STRN3: variants seen among roughly 807,000 people sequenced by gnomAD.
The protein encoded by STRN3 is striatin 3.
Under a neutral mutation model 95.6 loss-of-function variants are expected in STRN3, and 29 were observed. That is an observed-to-expected ratio of 0.30 (90% CI 0.23 to 0.41). The LOEUF (loss-of-function observed/expected upper bound fraction) is 0.41. Among genes scored for constraint, STRN3 ranks in the 10% least tolerant of loss-of-function variants. The pLI, the probability that STRN3 is intolerant of heterozygous loss-of-function variation, is 1.00. For synonymous variants in STRN3, 331 were observed against 357.6 expected (o/e 0.93, Z 0.84); for missense variants, 890 against 972.1 (o/e 0.92, Z 1.12).
intron 7 of STRN3, among the ~76,000 whole-genome samples, chr14:30,934,141 A>C (rs1012278285): frequency 1.3e-5 from 2 of 152,132 alleles, no homozygotes; most frequent in Admixed American, 6.5e-5. Context: ...CTGGCCAACA[A>C]GGTAAAACCC....
intron 1 of STRN3, among the ~76,000 whole-genome samples, chr14:31,003,476 A>G (rs1882567186): frequency 6.6e-6 from 1 of 152,082 alleles, no homozygotes; most frequent in Admixed American, 6.6e-5. Flanking sequence ...TATTTGGGTC[A>G]TGGAGGGTGG....
chr14:30,976,024 G>A (rs756461246), intron 1 of STRN3, among the ~76,000 whole-genome samples: 12 of 151,998 alleles, frequency 7.9e-5, no homozygotes, highest in Non-Finnish European at 7.4e-5. Context: ...AAGAACAAGT[G>A]CAAAAACAGA....
intron 3 of STRN3, 32 bp from the exon 4 acceptor site, chr14:30,950,976 CT>C: frequency 6.3e-7 from 1 of 1,575,860 alleles, no homozygotes; most frequent in Non-Finnish European, 8.6e-7. Flanking sequence ...GTTTTACATA[CT>C]TTATTTCGAC....
chr14:30,943,470 T>C (rs1879190709), intron 5 of STRN3, among the ~76,000 whole-genome samples: 1 of 152,046 alleles, frequency 6.6e-6, no homozygotes, highest in Admixed American at 6.6e-5. Context: ...TGTGGTGGCA[T>C]GTGGCTGTAG....
At chr14:30,929,583 A>G (rs1269561555) in intron 7 of STRN3, among the ~76,000 whole-genome samples, 1 of 152,130 alleles carries the variant, frequency 6.6e-6, no homozygotes, top group Non-Finnish European at 1.5e-5. Flanking sequence ...CAATAGACTG[A>G]CATTAGAAAT....
At chr14:30,993,800 C>G (rs1882076506) in intron 1 of STRN3, among the ~76,000 whole-genome samples, 1 of 151,974 alleles carries the variant, frequency 6.6e-6, no homozygotes, top group Non-Finnish European at 1.5e-5. Flanking sequence ...CTGCCTTAGC[C>G]TCCTGAGTAG....
At chr14:30,956,593 T>A (rs761802415) in intron 1 of STRN3, among the ~76,000 whole-genome samples, 2 of 152,114 alleles carry the variant, frequency 1.3e-5, no homozygotes, top group African/African-American at 2.4e-5. Flanking sequence ...AAAAAACTCA[T>A]AAAATGTCCA....
chr14:30,974,671 G>C (rs1881000646), intron 1 of STRN3, among the ~76,000 whole-genome samples: 1 of 151,702 alleles, frequency 6.6e-6, no homozygotes, highest in Non-Finnish European at 1.5e-5. Flanking sequence ...AGGTGCTATG[G>C]CACACGCCTG....
chr14:30,951,359 G>C (rs1401326042), intron 3 of STRN3, among the ~76,000 whole-genome samples: 1 of 151,728 alleles, frequency 6.6e-6, no homozygotes, highest in Admixed American at 6.6e-5. Context: ...TCAGCCTCTC[G>C]AGTAGCTGGG....
At chr14:30,993,627 C>CT (rs1228614345) in intron 1 of STRN3, among the ~76,000 whole-genome samples, 1 of 152,106 alleles carries the variant, frequency 6.6e-6, no homozygotes, top group Non-Finnish European at 1.5e-5. Context: ...TTACATACTC[C>CT]TTTGCTGCCT....
chr14:30,996,117 A>C lies in STRN3; in HGVS notation c.282+29787T>G, dbSNP rs536822193. Among the ~76,000 whole-genome samples, 5 of 152,328 alleles carry C rather than the reference A, an allele frequency of 3.3e-5. No homozygotes were observed. The South Asian group carries it at 1.0e-3, about 32-fold the overall frequency. ...CTTTCACAGACACTGATTCTGAAAT[A>C]TCTCCCATAACAAACTTCACGCATG... On this transcript the variant is annotated intron_variant, in intron 1 of 17. Transcript: ENST00000357479.
intron 1 of STRN3, among the ~76,000 whole-genome samples, chr14:31,019,130 G>C (rs976491674): frequency 6.6e-6 from 1 of 151,956 alleles, no homozygotes; most frequent in Non-Finnish European, 1.5e-5. Context: ...AGACAACATA[G>C]AAAGACCCTG....
chr14:30,929,234 TG>T lies in STRN3; in HGVS notation c.1065del (p.Tyr355Ter). ...QGLISKLKEQ[Y>X]KKERKGKKGV... ...CCTTTCTTCCCCTTTCGTTCCTTCT[TG>T]TACTGTTCCTTCAGTTTACTTATTA... On this transcript the variant is annotated frameshift_variant, in exon 8 of 18. Coordinates refer to ENST00000357479, the MANE Select transcript of STRN3 (RefSeq NM_001083893.2). LOFTEE classifies it high-confidence loss of function. 2 of 1,613,256 alleles carry T rather than the reference TG, an allele frequency of 1.2e-6. No individual in the cohort carries two copies. The highest frequency in any genetic ancestry group is 1.7e-6 in the Non-Finnish European group (2 of 1,179,602).
At position 30,947,137 on chromosome 14, in the gene STRN3, G is replaced by A. The variant is rs1446605084; in HGVS notation, c.669C>T (p.Ile223=). The change falls in exon 5 of 18, where the codon ATC becomes ATT. Residue 223 remains isoleucine (I), a synonymous_variant. Transcript: ENST00000357479. ...GSVETKNLEQ[I]LNGGESPKQK... The stretch of plus-strand genomic sequence containing the variant: ...GCTTAGGAGATTCACCTCCATTCAG[G>A]ATCTGTTCTAAATTCTTTGTTTCTA... 6.2e-7 allele frequency: 1 copy of A among 1,609,272 alleles called. No individual in the cohort carries two copies. The highest frequency in any genetic ancestry group is 8.5e-7 in the Non-Finnish European group (1 of 1,178,662).
chr14:30,935,304 T>C lies in STRN3; in HGVS notation c.847A>G (p.Ile283Val). 1.9e-6 allele frequency: 3 copies of C among 1,613,396 alleles called. No homozygotes were observed. Among genetic ancestry groups the C allele is most frequent in the Non-Finnish European group, 2.5e-6 (3 of 1,179,684 alleles). Residue 283 changes from isoleucine (I) to valine (V), a missense_variant and splice_region_variant, in exon 7 of 18, where the codon ATA (isoleucine) becomes GTA (valine). Physicochemically the swap from Ile to Val is conservative, Grantham distance 29. Around this residue, in one of 3 missense-constraint regions of STRN3, gnomAD observed 526 missense variants for 526.3 expected, o/e 1.00. Coordinates refer to ENST00000357479, the MANE Select transcript of STRN3 (RefSeq NM_001083893.2). ...TCAGCAGCTAAACCTTCATTACCTA[T>C]CTGTAAATAGAATATAAACCAAGAA... Reference protein sequence around the residue: ...KDKHRMNKHKIGNEGLAADLT... With the variant: ...KDKHRMNKHKVGNEGLAADLT...
intron 1 of STRN3, among the ~76,000 whole-genome samples, chr14:30,970,202 CTCTCTATT>C (rs1454428786): frequency 6.6e-6 from 1 of 152,152 alleles, no homozygotes; most frequent in Non-Finnish European, 1.5e-5. Flanking sequence ...TCAAAGACAG[CTCTCTATT>C]TCAGAAAAGT....
intron 5 of STRN3, among the ~76,000 whole-genome samples, chr14:30,938,722 T>C (rs1878948149): frequency 6.6e-6 from 1 of 152,080 alleles, no homozygotes; most frequent in Admixed American, 6.6e-5. Flanking sequence ...GCAAGTTATA[T>C]TTCATGAAAA....
chr14:31,017,126 C>T (rs559224200), intron 1 of STRN3, among the ~76,000 whole-genome samples: 1 of 152,124 alleles, frequency 6.6e-6, no homozygotes, highest in South Asian at 2.1e-4. Flanking sequence ...TGCACTCCAG[C>T]CTGGGTGACA....
intron 1 of STRN3, among the ~76,000 whole-genome samples, chr14:30,977,078 T>C (rs1056444205): frequency 1.3e-5 from 2 of 151,764 alleles, no homozygotes; most frequent in African/African-American, 2.4e-5. Context: ...TACAAAAAAT[T>C]CGCTGGGTAT....
Sources: allele counts gnomAD v4.1 joint callset (sites outside exome capture counted in the v4.1 genomes callset), GRCh38; gene constraint gnomAD v4.1.1; regional missense constraint gnomAD v4.1.1; transcripts MANE v1.5; gene names NCBI Gene and HGNC (gene_info 2026-07-23, HGNC 2026-07-21).